The following MAVS variants were observed in gnomAD, a reference collection of about 807,000 sequenced individuals.
MAVS encodes mitochondrial antiviral signaling protein.
Under a neutral mutation model 30.2 loss-of-function variants are expected in MAVS, and 20 were observed. The ratio of observed to expected loss-of-function variants is 0.66; its 90% CI spans 0.47 to 0.96. The LOEUF (loss-of-function observed/expected upper bound fraction) is 0.96, where lower values mean the gene tolerates loss of function less well. MAVS is among the 40% of genes least tolerant of loss of function. MAVS has a pLI of 0.00. For synonymous variants in MAVS, 278 were observed against 293.9 expected (o/e 0.95, Z 0.55); for missense variants, 624 against 701.1 (o/e 0.89, Z 1.24).
In MAVS at chr20:3,868,809, A is replaced by C. The variant is rs2089930275; in HGVS notation, c.*2662A>C. On this transcript the variant is annotated 3_prime_UTR_variant, in exon 7 of 7. Transcript: ENST00000428216. Reference sequence around the variant, plus strand: ...GGAAGATAAGTCACTTGAGCCCGCCAGGAGGCGGAGGTTGTAGTGAGCTGA... The same window carrying C: ...GGAAGATAAGTCACTTGAGCCCGCCCGGAGGCGGAGGTTGTAGTGAGCTGA... 6.6e-6 allele frequency: 1 copy of C among 152,194 alleles called. No individual in the cohort carries two copies. The highest frequency in any genetic ancestry group is 1.5e-5 in the Non-Finnish European group (1 of 68,050). The allele number at this position is 152,194 out of a possible 1,614,324, so 9.4% of individuals were successfully genotyped here.
At position 3,870,418 on chromosome 20, in the gene MAVS, G is replaced by C. The variant is rs2089945135; in HGVS notation, c.*4271G>C. ...TCCCTGGGAAGAATGCGTGGACTCT[G>C]CCTGGTGATAGACTGAAGCCAGAAC... On this transcript the variant is annotated 3_prime_UTR_variant, in exon 7 of 7. Transcript: ENST00000428216. 2 of 152,188 alleles carry C rather than the reference G, an allele frequency of 1.3e-5. No individual in the cohort carries two copies. Among genetic ancestry groups the C allele is most frequent in the African/African-American group, 4.8e-5 (2 of 41,398 alleles). The allele number at this position is 152,188 out of a possible 1,614,324, so 9.4% of individuals were successfully genotyped here. A position where few individuals can be genotyped will look rare whatever the true frequency, so the allele number is the denominator to read the frequency against.
chr20:3,852,499 C>G (rs527406264), intron 1 of MAVS, among the ~76,000 whole-genome samples: 3 of 152,052 alleles, frequency 2.0e-5, no homozygotes, highest in African/African-American at 4.8e-5. Context: ...AGGTATAGCC[C>G]TCTTGCTATC....
At chr20:3,849,397 G>A (rs1343575585) in intron 1 of MAVS, among the ~76,000 whole-genome samples, 1 of 152,042 alleles carries the variant, frequency 6.6e-6, no homozygotes, top group Non-Finnish European at 1.5e-5. Context: ...TAGAGAAAGG[G>A]TTTCACCATG....
intron 1 of MAVS, among the ~76,000 whole-genome samples, chr20:3,850,855 C>T (rs1041831822): frequency 1.4e-5 from 2 of 146,694 alleles, no homozygotes; most frequent in African/African-American, 5.1e-5. Flanking sequence ...CACAGCACTC[C>T]AGCTTTGGTG....
intron 5 of MAVS, among the ~76,000 whole-genome samples, 188 bp downstream of exon 5, chr20:3,862,601 C>T (rs2089875226): frequency 6.7e-6 from 1 of 150,002 alleles, no homozygotes; most frequent in Non-Finnish European, 1.5e-5. Context: ...TAGTCCACTC[C>T]AGTTTTCCAA....
rs1051200016 is a variant in MAVS at position 3,861,369 on chromosome 20, G to A, written c.330G>A (p.Pro110=). The change falls in exon 4 of 7, where the codon CCG becomes CCA. Residue 110 remains proline, a synonymous_variant. Transcript: ENST00000428216. ...SDRPPDPLEP[P]SLPAERPGPP... Reference sequence around the variant, plus strand: ...GTCCCCCAGACCCACTGGAGCCACCGTCACTTCCTGCTGAGAGGCCAGGGC... The same window carrying A: ...GTCCCCCAGACCCACTGGAGCCACCATCACTTCCTGCTGAGAGGCCAGGGC... The A allele has an allele frequency of 7.4e-6, 12 of 1,613,812 alleles. No individual in the cohort carries two copies. Among genetic ancestry groups the A allele is most frequent in the Middle Eastern group, 1.6e-4 (1 of 6,080 alleles).
chr20:3,848,980 T>C (rs957809030), intron 1 of MAVS, among the ~76,000 whole-genome samples: 2 of 152,144 alleles, frequency 1.3e-5, no homozygotes, highest in Non-Finnish European at 2.9e-5. Context: ...GGCTGTGGCC[T>C]CCTTACTGGT....
Position 3,854,650 on chromosome 20 carries a change from A to G in MAVS, c.26A>G (p.Tyr9Cys), listed in dbSNP as rs749871584. The G allele has an allele frequency of 8.1e-6, 13 of 1,613,708 alleles. No individual in the cohort carries two copies. The highest frequency in any genetic ancestry group is 1.1e-5 in the South Asian group (1 of 91,080). The change falls in exon 2 of 7, where the codon TAT becomes TGT. Residue 9 changes from tyrosine (Y) to cysteine (C), a missense_variant. Physicochemically the swap from Tyr to Cys is radical, Grantham distance 194. Coordinates refer to ENST00000428216, the MANE Select transcript of MAVS (RefSeq NM_020746.5). MPFAEDKTYKYICRNFSNF... is the reference protein window; with the variant it reads MPFAEDKTCKYICRNFSNF... ...ATGCCGTTTGCTGAAGACAAGACCT[A>G]TAAGTATATCTGCCGCAATTTCAGC...
chr20:3,860,627 G>A lies in MAVS; in HGVS notation c.293-705G>A, dbSNP rs533036593. On this transcript the variant is annotated intron_variant, in intron 3 of 6. Transcript: ENST00000428216. ...CGACCTCAGGTGATCCACCCACTTC[G>A]GCCTCCCAAAGTGCTGGGATTACAG... 7.9e-5 allele frequency among the ~76,000 whole-genome samples: 12 copies of A among 151,102 alleles called. No homozygotes were observed. The South Asian group carries it at 8.4e-4, about 11-fold the overall frequency.
chr20:3,854,435 AAAAG>A, intron 1 of MAVS, 119 bp from the exon 2 acceptor site: 2 of 380,474 alleles, frequency 5.3e-6, no homozygotes, highest in Non-Finnish European at 9.3e-6. Context: ...AAAAAAAAAA[AAAAG>A]AAGAAATTAA....
chr20:3,866,686 G>A lies in MAVS; in HGVS notation c.*539G>A. 1 of 357,626 alleles carries A rather than the reference G, an allele frequency of 2.8e-6. No homozygotes were observed. Among genetic ancestry groups the A allele is most frequent in the Non-Finnish European group, 5.5e-6 (1 of 181,164 alleles). 22.2% of individuals were successfully genotyped at this position (357,626 alleles called of 1,614,324 possible). On this transcript the variant is annotated 3_prime_UTR_variant, in exon 7 of 7. Coordinates refer to ENST00000428216, the MANE Select transcript of MAVS (RefSeq NM_020746.5). ...TGCTCTCCAGGAGCCCAACTGCCTTGAGTTCCTGCCCCACTGGGCCCCCTC... is the reference window on the plus strand; with the variant it reads ...TGCTCTCCAGGAGCCCAACTGCCTTAAGTTCCTGCCCCACTGGGCCCCCTC...
At chr20:3,862,442 C>T in intron 5 of MAVS, 29 bp downstream of exon 5, 1 of 1,595,516 alleles carries the variant, frequency 6.3e-7, no homozygotes, top group Non-Finnish European at 8.6e-7. Flanking sequence ...ATTATAGGGT[C>T]CTTCTGATCT....
intron 3 of MAVS, 76 bp from the exon 4 acceptor site, chr20:3,861,256 G>C (rs527630779): frequency 1.0e-5 from 15 of 1,438,630 alleles, no homozygotes; most frequent in Non-Finnish European, 1.4e-5. Flanking sequence ...GCCTCCCAAA[G>C]TGCTGAGATT....
chr20:3,849,410 G>A (rs546305314), intron 1 of MAVS, among the ~76,000 whole-genome samples: 1 of 151,990 alleles, frequency 6.6e-6, no homozygotes, highest in Non-Finnish European at 1.5e-5. Context: ...TCACCATGTT[G>A]GCGAGGCTGG....
chr20:3,847,943 G>C (rs2089722508), intron 1 of MAVS, among the ~76,000 whole-genome samples: 1 of 152,102 alleles, frequency 6.6e-6, no homozygotes, highest in African/African-American at 2.4e-5. Flanking sequence ...GTCTACAATG[G>C]GCCCTCCATA....
intron 5 of MAVS, among the ~76,000 whole-genome samples, chr20:3,862,867 G>C (rs1460075981): frequency 3.9e-5 from 6 of 152,116 alleles, no homozygotes; most frequent in Admixed American, 3.9e-4. Flanking sequence ...CTCAAAACTG[G>C]CACAGTGTCC....
Position 3,870,654 on chromosome 20 carries a change from A to AC in MAVS, c.*4507_*4508insC. 7.5e-6 allele frequency: 1 copy of AC among 132,608 alleles called. No homozygotes were observed. The highest frequency in any genetic ancestry group is 1.5e-5 in the Non-Finnish European group (1 of 65,722). 8.2% of individuals were successfully genotyped at this position (132,608 alleles called of 1,614,324 possible). On this transcript the variant is annotated 3_prime_UTR_variant, in exon 7 of 7. Coordinates refer to ENST00000428216, the MANE Select transcript of MAVS (RefSeq NM_020746.5). ...ATCTCTAAAAAAAAAAAAAAAAAAAAAAAAAAAAAAAAAAAAAAAAAATCT... is the reference window on the plus strand; with the variant it reads ...ATCTCTAAAAAAAAAAAAAAAAAAAACAAAAAAAAAAAAAAAAAAAAAATCT...
intron 2 of MAVS, among the ~76,000 whole-genome samples, chr20:3,855,650 G>A (rs780883915): frequency 4.6e-5 from 7 of 152,170 alleles, no homozygotes; most frequent in African/African-American, 9.7e-5. Flanking sequence ...TGTTGTCTCC[G>A]CTGTCCTCCC....
rs149070096 is a variant in MAVS, at chr20:3,861,386, G to A, written c.347G>A (p.Arg116Lys). Residue 116 changes from arginine to lysine, a missense_variant, in exon 4 of 7, where the codon AGG becomes AAG. Coordinates refer to ENST00000428216, the MANE Select transcript of MAVS (RefSeq NM_020746.5). ...GAGCCACCGTCACTTCCTGCTGAGA[G>A]GCCAGGGCCCCCCACACCTGCTGCG... ...PLEPPSLPAERPGPPTPAAAH... is the reference protein window; with the variant it reads ...PLEPPSLPAEKPGPPTPAAAH... The A allele has an allele frequency of 6.2e-7, 1 of 1,614,086 alleles. No homozygotes were observed. Among genetic ancestry groups the A allele is most frequent in the Non-Finnish European group, 8.5e-7 (1 of 1,180,024 alleles).
Sources: gnomAD v4.1 joint callset for allele counts (sites outside exome capture counted in the v4.1 genomes callset) on GRCh38, gnomAD v4.1.1 for gene constraint, MANE v1.5 for transcripts, NCBI Gene and HGNC (gene_info 2026-07-23, HGNC 2026-07-21) for gene names.